Variants in HS3ST5 observed in about 807,000 individuals in gnomAD.
The protein encoded by HS3ST5 is heparan sulfate-glucosamine 3-sulfotransferase 5, also known as heparan sulfate glucosamine 3-O-sulfotransferase 5.
In HS3ST5, 10 loss-of-function variants were observed where a neutral mutation model predicts 25.4. That is an observed-to-expected ratio of 0.39 (90% confidence interval 0.24 to 0.67). The LOEUF (loss-of-function observed/expected upper bound fraction) is 0.67. HS3ST5 is among the 30% of genes least tolerant of loss of function. The pLI is 0.44. For synonymous variants in HS3ST5, 170 were observed against 162.4 expected (o/e 1.05, Z -0.36); for missense variants, 324 against 420.7 (o/e 0.77, Z 2.01).
intron 2 of HS3ST5, among the ~76,000 whole-genome samples, chr6:114,183,310 T>C (rs1780054587): frequency 1.3e-5 from 2 of 152,146 alleles, no homozygotes; most frequent in Admixed American, 1.3e-4. Flanking sequence ...TGAGATCTAA[T>C]AGTTGTATAA....
At position 114,280,831 on chromosome 6, in the gene HS3ST5, A is replaced by G. The variant is rs567242468; in HGVS notation, c.-338-52053T>C. ...CGCCTTCAGCTGTAGACAGAGCTGA[A>G]GTAATAAATAAGTAATAAATTCATA... On this transcript the variant is annotated intron_variant, in intron 1 of 4. Transcript: ENST00000312719. Among the ~76,000 whole-genome samples, 33 of 152,138 alleles carry G rather than the reference A, an allele frequency of 2.2e-4. No homozygotes were observed. The East Asian group carries it at 6.4e-3, about 30-fold the overall frequency.
intron 3 of HS3ST5, among the ~76,000 whole-genome samples, chr6:114,086,507 C>G (rs112176892): frequency 6.6e-6 from 1 of 152,110 alleles, no homozygotes; most frequent in Admixed American, 6.5e-5. Flanking sequence ...AGATTCTTCC[C>G]GAGAGTCATC....
At chr6:114,269,421 G>A (rs1027982901) in intron 1 of HS3ST5, among the ~76,000 whole-genome samples, 12 of 152,192 alleles carry the variant, frequency 7.9e-5, no homozygotes, top group African/African-American at 2.4e-5. Flanking sequence ...GGTAGCTCTA[G>A]AAGCTAAAGC....
At chr6:114,135,368 C>T (rs982623335) in intron 3 of HS3ST5, among the ~76,000 whole-genome samples, 7 of 152,034 alleles carry the variant, frequency 4.6e-5, no homozygotes, top group African/African-American at 1.7e-4. Flanking sequence ...TGCCCAGAGA[C>T]AGGAGGAAGA....
At chr6:114,304,645 A>G (rs1394758092) in intron 1 of HS3ST5, among the ~76,000 whole-genome samples, 1 of 152,194 alleles carries the variant, frequency 6.6e-6, no homozygotes, top group Non-Finnish European at 1.5e-5. Context: ...ATTAGAAATT[A>G]AAACAGATTT....
At chr6:114,244,318 G>A (rs972261413) in intron 1 of HS3ST5, among the ~76,000 whole-genome samples, 6 of 152,140 alleles carry the variant, frequency 3.9e-5, no homozygotes, top group African/African-American at 1.4e-4. Flanking sequence ...ATGAAGTGAT[G>A]GCATGGTGGC....
intron 1 of HS3ST5, among the ~76,000 whole-genome samples, chr6:114,320,529 T>C (rs985996381): frequency 6.6e-6 from 1 of 152,154 alleles, no homozygotes; most frequent in Non-Finnish European, 1.5e-5. Flanking sequence ...ATAGCTCTTG[T>C]GATCTCTCTA....
At chr6:114,341,225 GAGA>G (rs1282535918) in intron 1 of HS3ST5, among the ~76,000 whole-genome samples, 2 of 118,244 alleles carry the variant, frequency 1.7e-5, no homozygotes, top group South Asian at 6.1e-4. Flanking sequence ...GAGAGGGGGA[GAGA>G]GAGAGAGAGA....
At chr6:114,298,351 A>G (rs1490313910) in intron 1 of HS3ST5, among the ~76,000 whole-genome samples, 1 of 152,224 alleles carries the variant, frequency 6.6e-6, no homozygotes, top group Non-Finnish European at 1.5e-5. Flanking sequence ...TTTTCCACAG[A>G]TACACTAATT....
chr6:114,288,916 A>C (rs1774453654), intron 1 of HS3ST5, among the ~76,000 whole-genome samples: 1 of 152,054 alleles, frequency 6.6e-6, no homozygotes, highest in Non-Finnish European at 1.5e-5. Flanking sequence ...AATAGCACAG[A>C]TCTGTAGCTC....
intron 2 of HS3ST5, among the ~76,000 whole-genome samples, chr6:114,177,977 C>T (rs1779800061): frequency 6.6e-6 from 1 of 152,126 alleles, no homozygotes; most frequent in Non-Finnish European, 1.5e-5. Flanking sequence ...GGAATAAGTG[C>T]AGTTTGCTTT....
chr6:114,207,321 A>G (rs1321933366), intron 2 of HS3ST5, among the ~76,000 whole-genome samples: 1 of 152,222 alleles, frequency 6.6e-6, no homozygotes, highest in East Asian at 1.9e-4. Flanking sequence ...AGCGCAAGTC[A>G]GGTGGTTTTC....
intron 2 of HS3ST5, among the ~76,000 whole-genome samples, chr6:114,222,031 C>T (rs570493921): frequency 5.9e-5 from 9 of 151,850 alleles, no homozygotes; most frequent in East Asian, 3.9e-4. Context: ...AGAAAATTTG[C>T]GCAACACTCA....
chr6:114,276,344 T>C (rs188712119), intron 1 of HS3ST5, among the ~76,000 whole-genome samples: 6 of 152,116 alleles, frequency 3.9e-5, no homozygotes, highest in African/African-American at 1.4e-4. Context: ...AATGTGCTTA[T>C]AATACTTCAT....
chr6:114,084,895 G>A (rs1774711987), intron 3 of HS3ST5: 1 of 515,746 alleles, frequency 1.9e-6, no homozygotes, highest in African/African-American at 2.2e-5. Context: ...TCAGTGGTGT[G>A]ATCTCGGCTC....
At chr6:114,146,077 C>T (rs1311287730) in intron 3 of HS3ST5, among the ~76,000 whole-genome samples, 3 of 152,092 alleles carry the variant, frequency 2.0e-5, no homozygotes, top group Non-Finnish European at 2.9e-5. Flanking sequence ...AATAAAATCA[C>T]CTTTAGCATT....
chr6:114,168,580 A>G (rs531334509), intron 2 of HS3ST5, 118 bp from the exon 3 acceptor site: 9 of 152,158 alleles, frequency 5.9e-5, no homozygotes, highest in Non-Finnish European at 1.3e-4. Flanking sequence ...TATATTGTGG[A>G]TGATAAGAAC....
rs144789150 is a variant in HS3ST5 at position 114,236,434 on chromosome 6, T to C, written c.-338-7656A>G. ...CACAGAATATCCTCATACTTATATG[T>C]TTTTTCTCATTTAAATGTTTCTTCT... On this transcript the variant is annotated intron_variant, in intron 1 of 4. Coordinates refer to ENST00000312719, the MANE Select transcript of HS3ST5 (RefSeq NM_153612.4). Among the ~76,000 whole-genome samples, 8 of 152,344 alleles carry C rather than the reference T, an allele frequency of 5.3e-5. No homozygotes were observed. In the East Asian group the frequency reaches 1.5e-3, roughly 29 times the overall value.
intron 3 of HS3ST5, among the ~76,000 whole-genome samples, chr6:114,064,481 T>A (rs1354485449): frequency 3.3e-5 from 5 of 152,134 alleles, no homozygotes; most frequent in Admixed American, 6.5e-5. Context: ...CATGGTAAAA[T>A]TTTTTTGTGT....
Sources: gnomAD v4.1 joint callset for allele counts (sites outside exome capture counted in the v4.1 genomes callset) on GRCh38, gnomAD v4.1.1 for gene constraint, MANE v1.5 for transcripts, NCBI Gene and HGNC (gene_info 2026-07-23, HGNC 2026-07-21) for gene names.